The following RHPN2 variants were observed in gnomAD, a reference collection of about 807,000 sequenced individuals.
RHPN2 encodes rhophilin-2.
In RHPN2, 40 loss-of-function variants were observed where a neutral mutation model predicts 79.0. The observed-to-expected ratio is 0.51, with a 90% CI of 0.39 to 0.66. RHPN2 has a LOEUF of 0.66. Among genes scored for constraint, RHPN2 ranks in the 30% least tolerant of loss-of-function variants. RHPN2 has a pLI of 0.00. For synonymous variants in RHPN2, 285 were observed against 363.5 expected (o/e 0.78, Z 2.46); for missense variants, 686 against 883.5 (o/e 0.78, Z 2.83).
intron 4 of RHPN2, among the ~76,000 whole-genome samples, chr19:33,020,580 A>G (rs1460604536): frequency 1.0e-4 from 15 of 147,114 alleles, no homozygotes; most frequent in Admixed American, 9.0e-4. Context: ...TGCAACCTCC[A>G]CCTCCACCTT....
chr19:33,015,617 C>T (rs1307010084), intron 4 of RHPN2, among the ~76,000 whole-genome samples: 1 of 152,018 alleles, frequency 6.6e-6, no homozygotes, highest in Non-Finnish European at 1.5e-5. Context: ...GTTTATAAAA[C>T]CCAATAGCAT....
At chr19:32,997,543 G>A (rs1472083460) in intron 10 of RHPN2, among the ~76,000 whole-genome samples, 1 of 151,762 alleles carries the variant, frequency 6.6e-6, no homozygotes, top group Admixed American at 6.6e-5. Flanking sequence ...AGGCTGGAAT[G>A]CAGTGGCACG....
Position 32,993,993 on chromosome 19 carries a change from T to C in RHPN2, c.1481A>G (p.Asp494Gly). 1.2e-6 allele frequency: 2 copies of C among 1,612,874 alleles called. No individual in the cohort carries two copies. The highest frequency in any genetic ancestry group is 1.7e-6 in the Non-Finnish European group (2 of 1,178,942). ...TCAACATACCAGCTTCTGGAAGAAG[T>C]CCGTGACTGTCAGCTTGGAGAACTG... ...LPQFSKLTVT[D>G]FFQKLGPLSV... The change falls in exon 12 of 15, where the codon GAC (aspartate) becomes GGC (glycine). Residue 494 changes from aspartate (D) to glycine (G), a missense_variant. Transcript: ENST00000254260.
At chr19:32,982,282 C>A (rs1366287540) in intron 14 of RHPN2, among the ~76,000 whole-genome samples, 1 of 152,048 alleles carries the variant, frequency 6.6e-6, no homozygotes, top group East Asian at 1.9e-4. Context: ...GTGGTGCACA[C>A]CTGTAATCCC....
intron 1 of RHPN2, among the ~76,000 whole-genome samples, chr19:33,045,383 AG>A (rs1245855081): frequency 6.6e-6 from 1 of 151,866 alleles, no homozygotes; most frequent in Admixed American, 6.6e-5. Flanking sequence ...AGCTTTATGG[AG>A]ATATAATCCA....
At position 32,983,230 on chromosome 19, in the gene RHPN2, T is replaced by G. The variant is rs200815410; in HGVS notation, c.1801-2974A>C. Among the ~76,000 whole-genome samples, 19 of 152,098 alleles carry G rather than the reference T, an allele frequency of 1.2e-4. No individual in the cohort carries two copies. In the East Asian group the frequency reaches 3.7e-3, roughly 30 times the overall value. ...ATCACATTCTTTGAAAAGCCTTTCT[T>G]GGCGGGGCGTGGTGGCTCACGCCTG... is the stretch of plus-strand genomic sequence containing the variant. On this transcript the variant is annotated intron_variant, in intron 14 of 14. Coordinates refer to ENST00000254260, the MANE Select transcript of RHPN2 (RefSeq NM_033103.5).
chr19:32,989,947 T>C (rs1399560597), intron 14 of RHPN2, among the ~76,000 whole-genome samples: 1 of 151,790 alleles, frequency 6.6e-6, no homozygotes, highest in Non-Finnish European at 1.5e-5. Context: ...CTACTAAAAA[T>C]ACAAAAAATT....
At chr19:32,999,395 T>G (rs982515116) in intron 10 of RHPN2, among the ~76,000 whole-genome samples, 191 bp downstream of exon 10, 3 of 152,054 alleles carry the variant, frequency 2.0e-5, no homozygotes, top group African/African-American at 7.2e-5. Context: ...ATGGAACCCA[T>G]GAGAACACAG....
intron 13 of RHPN2, 66 bp downstream of exon 13, chr19:32,991,757 A>T: frequency 6.2e-7 from 1 of 1,601,070 alleles, no homozygotes; most frequent in Non-Finnish European, 8.6e-7. Flanking sequence ...ACATGGGTGA[A>T]CCCACCCTAA....
intron 13 of RHPN2, chr19:32,990,885 C>G (rs758264191): frequency 1.9e-6 from 1 of 528,578 alleles, no homozygotes; most frequent in Non-Finnish European, 3.5e-6. Flanking sequence ...AAAAATCAGC[C>G]AGGTGTGGTG....
chr19:33,053,657 C>T lies in RHPN2; in HGVS notation c.70-9293G>A, dbSNP rs188478726. 2.2e-3 allele frequency among the ~76,000 whole-genome samples: 336 copies of T among 152,028 alleles called. 2 individuals carry two copies. The highest frequency in any genetic ancestry group is 7.7e-3 in the African/African-American group (320 of 41,454). On this transcript the variant is annotated intron_variant, in intron 1 of 14. Transcript: ENST00000254260. ...CAGGCTAGTCTTGAACTCCTGACCT[C>T]GTGATCCACCTGCCTTGGCCTCCAA...
chr19:33,004,424 T>C (rs1185813354), intron 7 of RHPN2, among the ~76,000 whole-genome samples: 2 of 152,190 alleles, frequency 1.3e-5, no homozygotes, highest in South Asian at 2.1e-4. Flanking sequence ...TTAATGCCAT[T>C]GAACTGCACA....
At chr19:33,014,081 G>A (rs896260855) in intron 4 of RHPN2, among the ~76,000 whole-genome samples, 23 of 150,950 alleles carry the variant, frequency 1.5e-4, no homozygotes, top group African/African-American at 3.9e-4. Flanking sequence ...TTGCCCTGTC[G>A]CCCCACCCCC....
At chr19:33,022,619 T>C (rs1435642974) in intron 3 of RHPN2, among the ~76,000 whole-genome samples, 2 of 152,152 alleles carry the variant, frequency 1.3e-5, no homozygotes, top group Non-Finnish European at 2.9e-5. Context: ...ACAGGTCGCC[T>C]GGGGAGTGCT....
At chr19:33,036,186 ATTTT>A (rs530097897) in intron 2 of RHPN2, among the ~76,000 whole-genome samples, 4 of 139,660 alleles carry the variant, frequency 2.9e-5, no homozygotes, top group Admixed American at 7.3e-5. Context: ...AAGAAAATTA[ATTTT>A]TTTTTTTTTT....
At position 32,996,211 on chromosome 19, in the gene RHPN2, T is replaced by G; in HGVS notation, c.1235A>C (p.His412Pro). 6.2e-7 allele frequency: 1 copy of G among 1,614,132 alleles called. No homozygotes were observed. Among genetic ancestry groups the G allele is most frequent in the Non-Finnish European group, 8.5e-7 (1 of 1,180,040 alleles). The change falls in exon 11 of 15, where the codon CAC becomes CCC. Residue 412 changes from histidine to proline, a missense_variant. By Grantham distance (77) the His-to-Pro change is moderately conservative. Coordinates refer to ENST00000254260, the MANE Select transcript of RHPN2 (RefSeq NM_033103.5). ...DQQRRQLGKS[H>P]LRRAMAHHEE... ...GTGATGAGCCATGGCTCTGCGCAAG[T>G]GGGACTTCCCTGCAGACGGAAGCCA...
At chr19:33,011,414 G>A (rs1443647578) in intron 6 of RHPN2, among the ~76,000 whole-genome samples, 2 of 152,080 alleles carry the variant, frequency 1.3e-5, no homozygotes, top group Non-Finnish European at 2.9e-5. Flanking sequence ...GTGATACAAC[G>A]AGCAAGAAAA....
Position 32,989,365 on chromosome 19 carries a change from T to C in RHPN2, c.1800+1149A>G, listed in dbSNP as rs183432705. 2.9e-3 allele frequency among the ~76,000 whole-genome samples: 448 copies of C among 152,210 alleles called. 6 individuals are homozygous for C. Among genetic ancestry groups the C allele is most frequent in the African/African-American group, 0.01 (436 of 41,534 alleles). ...TTCAAGCAATCTGCCCACCTCAGCC[T>C]CCAAAAGTACTCAGATTACAGGCAT... On this transcript the variant is annotated intron_variant, in intron 14 of 14. Transcript: ENST00000254260.
chr19:33,034,914 C>A (rs962649446), intron 2 of RHPN2, among the ~76,000 whole-genome samples: 4 of 151,794 alleles, frequency 2.6e-5, no homozygotes, highest in Admixed American at 1.3e-4. Flanking sequence ...GCCGAAGCAA[C>A]ATAGTGAGAC....
Sources: gnomAD v4.1 joint callset for allele counts (sites outside exome capture counted in the v4.1 genomes callset) on GRCh38, gnomAD v4.1.1 for gene constraint, MANE v1.5 for transcripts, NCBI Gene and HGNC (gene_info 2026-07-23, HGNC 2026-07-21) for gene names.